WDR18: variants seen among roughly 807,000 people sequenced by gnomAD.
WDR18 encodes WD repeat domain 18.
WDR18 carries 33 observed loss-of-function variants against 49.6 expected under a neutral mutation model. That is an observed-to-expected ratio of 0.67 (90% CI 0.50 to 0.89). The LOEUF (loss-of-function observed/expected upper bound fraction) is 0.89, where lower values mean the gene tolerates loss of function less well. Ranked by LOEUF, WDR18 falls within the 40% of genes least tolerant of loss-of-function variation. WDR18 has a pLI of 0.00. For missense variants in WDR18, 653 were observed against 593.6 expected (o/e 1.10, Z -1.04); for synonymous variants, 315 against 263.6 (o/e 1.19, Z -1.89).
chr19:990,009 A>G, intron 3 of WDR18, 114 bp downstream of exon 3: 1 of 1,473,316 alleles, frequency 6.8e-7, no homozygotes. Flanking sequence ...GCTGGAGTGC[A>G]GAGGACGGAG....
Position 994,008 on chromosome 19 carries a change from C to G in WDR18, c.1099-12C>G. 2 of 1,551,350 alleles carry G rather than the reference C, an allele frequency of 1.3e-6. No homozygotes were observed. The highest frequency in any genetic ancestry group is 8.7e-7 in the Non-Finnish European group (1 of 1,148,018). ...GACGCGCCCCGAGGTCACGTGGCTCCCTGTGTTACAGGGCTCGGAGCCCAG... is the reference window on the plus strand; with the variant it reads ...GACGCGCCCCGAGGTCACGTGGCTCGCTGTGTTACAGGGCTCGGAGCCCAG... On this transcript the variant is annotated splice_polypyrimidine_tract_variant and intron_variant, in intron 8 of 9. Transcript: ENST00000585809.
chr19:987,951 C>T (rs948937939), intron 2 of WDR18, among the ~76,000 whole-genome samples: 3 of 151,114 alleles, frequency 2.0e-5, no homozygotes, highest in African/African-American at 7.3e-5. Flanking sequence ...TCTCCTGCCT[C>T]AGCCTCCCAA....
chr19:987,804 AC>A (rs2038489802), intron 2 of WDR18, among the ~76,000 whole-genome samples: 1 of 133,560 alleles, frequency 7.5e-6, no homozygotes, highest in Admixed American at 7.8e-5. Flanking sequence ...CCACTGCCAG[AC>A]CCCTGCTCCC....
In WDR18 at chr19:994,075, G is replaced by T. The variant is rs139898299; in HGVS notation, c.1154G>T (p.Ser385Ile). The T allele has an allele frequency of 1.5e-4, 233 of 1,559,028 alleles. No homozygotes were observed. The African/African-American group carries it at 2.8e-3, about 19-fold the overall frequency. Residue 385 changes from serine (S) to isoleucine (I), a missense_variant, in exon 9 of 10, where the codon AGC becomes ATC. Transcript: ENST00000585809. ...RTEQLQAVLC[S>I]TMEKSVLGGQ... ...GAGCAGCTGCAGGCCGTCCTGTGCA[G>T]CACCATGGAGAAGGTGGGCGGGGCC...
chr19:994,385 C>T lies in WDR18; in HGVS notation c.*41C>T. ...GCCCGAGGCGCCCAGGCCTGAGCCCCATGCCTCCCAGCAACCAGGGCCCGC... is the reference window on the plus strand; with the variant it reads ...GCCCGAGGCGCCCAGGCCTGAGCCCTATGCCTCCCAGCAACCAGGGCCCGC... On this transcript the variant is annotated 3_prime_UTR_variant, in exon 10 of 10. Coordinates refer to ENST00000585809, the MANE Select transcript of WDR18 (RefSeq NM_024100.4). 6.4e-7 allele frequency: 1 copy of T among 1,571,718 alleles called. No homozygotes were observed.
intron 2 of WDR18, among the ~76,000 whole-genome samples, chr19:988,515 A>G (rs2145506154): frequency 6.6e-6 from 1 of 152,284 alleles, no homozygotes; most frequent in South Asian, 2.1e-4. Flanking sequence ...TGGGTTTTGC[A>G]TGCGAGGAAA....
rs1482802050 is a variant in WDR18 at position 990,393 on chromosome 19, A to G, written c.597+29A>G. ...CGCCGCCCCCACCCCACCACGGTCC[A>G]TGAGCGGAGCCCAGCAGCCGCAGGT... is the stretch of plus-strand genomic sequence containing the variant. On this transcript the variant is annotated intron_variant, in intron 4 of 9. Transcript: ENST00000585809. 4.7e-6 allele frequency: 7 copies of G among 1,505,194 alleles called. No homozygotes were observed. The East Asian group carries it at 1.5e-4, about 32-fold the overall frequency. The allele number at this position is 1,505,194 out of a possible 1,614,324, so 93.2% of individuals were successfully genotyped here. A position where few individuals can be genotyped will look rare whatever the true frequency, so the allele number is the denominator to read the frequency against.
Position 985,887 on chromosome 19 carries a change from T to C in WDR18, c.233T>C (p.Met78Thr), listed in dbSNP as rs146394094. The change falls in exon 2 of 10, where the codon ATG becomes ACG. Residue 78 changes from methionine to threonine, a missense_variant. Coordinates refer to ENST00000585809, the MANE Select transcript of WDR18 (RefSeq NM_024100.4). Reference protein sequence around the residue: ...QRKDQLQQKIMCPGPVTCLTA... With the variant: ...QRKDQLQQKITCPGPVTCLTA... ...TAGGACCAGCTCCAGCAGAAGATCA[T>C]GTGCCCCGGGCCTGTCACCTGTCTG... The C allele has an allele frequency of 8.1e-6, 13 of 1,613,798 alleles. No homozygotes were observed. Among genetic ancestry groups the C allele is most frequent in the South Asian group, 2.2e-5 (2 of 91,092 alleles).
chr19:983,911 T>C (rs1307980173), upstream of WDR18, among the ~76,000 whole-genome samples: 1 of 152,074 alleles, frequency 6.6e-6, no homozygotes, highest in African/African-American at 2.4e-5. Context: ...TGAATTCCAA[T>C]GTATTCATCG....
Position 984,476 on chromosome 19 carries a change from C to T in WDR18, c.123C>T (p.Pro41=), listed in dbSNP as rs547352936. 6.3e-7 allele frequency: 1 copy of T among 1,579,368 alleles called. No homozygotes were observed. The highest frequency in any genetic ancestry group is 1.4e-5 in the African/African-American group (1 of 72,972). ...LLTYRGGQAG[P]RGLALLNGEY... is the part of the protein sequence containing the mutation. ...CCTACCGCGGCGGCCAGGCGGGACC[C>T]CGCGGCCTGGCGCTGCTCAATGGCG... Residue 41 remains proline (P), a synonymous_variant, in exon 1 of 10, where the codon CCC becomes CCT. Coordinates refer to ENST00000585809, the MANE Select transcript of WDR18 (RefSeq NM_024100.4).
chr19:990,797 G>C, intron 4 of WDR18, 55 bp from the exon 5 acceptor site: 1 of 1,540,674 alleles, frequency 6.5e-7, no homozygotes, highest in Non-Finnish European at 8.8e-7. Context: ...TGTTCCCATG[G>C]GGTCCTCGGG....
rs1016611543 is a variant in WDR18, at chr19:990,980, C to T, written c.726C>T (p.Val242=). 1.2e-6 allele frequency: 2 copies of T among 1,609,384 alleles called. No individual in the cohort carries two copies. Among genetic ancestry groups the T allele is most frequent in the Non-Finnish European group, 1.7e-6 (2 of 1,177,994 alleles). Residue 242 remains valine, a synonymous_variant, in exon 5 of 10, where the codon GTC becomes GTT. Transcript: ENST00000585809. ...CGGSEGSIFQ[V]DLFTWPGQRE... ...GCAGTGAGGGCTCCATCTTCCAGGT[C>T]GACCTCTTCACCTGGGTGAGTGCCG...
chr19:989,001 T>C, intron 2 of WDR18, among the ~76,000 whole-genome samples: 2 of 149,072 alleles, frequency 1.3e-5, no homozygotes, highest in Non-Finnish European at 3.0e-5. Flanking sequence ...CCAGAGCATC[T>C]CAGCTCTCGA....
upstream of WDR18, among the ~76,000 whole-genome samples, chr19:983,233 A>T (rs1201250593): frequency 1.3e-5 from 2 of 152,034 alleles, no homozygotes; most frequent in Non-Finnish European, 2.9e-5. Context: ...GGTGTTGGAG[A>T]CCAGCCTGAG....
rs2038598038 is a variant in WDR18 at position 994,089 on chromosome 19, G to A, written c.1167+1G>A. On this transcript the variant is annotated splice_donor_variant, in intron 9 of 9. Coordinates refer to ENST00000585809, the MANE Select transcript of WDR18 (RefSeq NM_024100.4). LOFTEE classifies it high-confidence loss of function. ...CGTCCTGTGCAGCACCATGGAGAAG[G>A]TGGGCGGGGCCTCGGGAGGGGCGGG... The A allele has an allele frequency of 6.4e-7, 1 of 1,556,826 alleles. No homozygotes were observed. Among genetic ancestry groups the A allele is most frequent in the Non-Finnish European group, 8.7e-7 (1 of 1,152,250 alleles).
chr19:987,829 G>GTTTTTTCTTTTTTTTTTTTTTTT (rs2038490612), intron 2 of WDR18, among the ~76,000 whole-genome samples: 1 of 91,822 alleles, frequency 1.1e-5, no homozygotes, highest in African/African-American at 5.3e-5. Context: ...GCCGCCTCCA[G>GTTTTTTCTTTTTTTTTTTTTTTT]TTTTTTTTTT....
chr19:989,047 A>C (rs2038508165), intron 2 of WDR18, among the ~76,000 whole-genome samples: 1 of 87,684 alleles, frequency 1.1e-5, no homozygotes, highest in Non-Finnish European at 2.1e-5. Flanking sequence ...CAGGCCTCGA[A>C]CCCACAACCC....
intron 2 of WDR18, 86 bp from the exon 3 acceptor site, chr19:989,676 G>A: frequency 6.4e-7 from 1 of 1,564,862 alleles, no homozygotes; most frequent in Non-Finnish European, 8.7e-7. Context: ...CCATGGCCGT[G>A]CAGTGGTGGG....
At position 992,121 on chromosome 19, in the gene WDR18, G is replaced by T; in HGVS notation, c.1098G>T (p.Gln366His). 1.4e-6 allele frequency: 2 copies of T among 1,469,722 alleles called. No homozygotes were observed. The allele number at this position is 1,469,722 out of a possible 1,614,324, so 91.0% of individuals were successfully genotyped here. The change falls in exon 8 of 10, where the codon CAG becomes CAT. Residue 366 changes from glutamine (Q) to histidine (H), a missense_variant and splice_region_variant. Coordinates refer to ENST00000585809, the MANE Select transcript of WDR18 (RefSeq NM_024100.4). Reference sequence around the variant, plus strand: ...CTCTGCGCCTGGGCCTCCACCAGCAGGTACGGCCCCCAGCAGGGAACCCCC... The same window carrying T: ...CTCTGCGCCTGGGCCTCCACCAGCATGTACGGCCCCCAGCAGGGAACCCCC... Reference protein sequence around the residue: ...GLTLRLGLHQQGSEPSYLDRT... With the variant: ...GLTLRLGLHQHGSEPSYLDRT...
Sources: gnomAD v4.1 joint callset for allele counts (sites outside exome capture counted in the v4.1 genomes callset) on GRCh38, gnomAD v4.1.1 for gene constraint, MANE v1.5 for transcripts, NCBI Gene and HGNC (gene_info 2026-07-23, HGNC 2026-07-21) for gene names.